RBMS3: variants seen among roughly 807,000 people sequenced by gnomAD.
The protein encoded by RBMS3 is RNA binding motif single stranded interacting protein 3, also known as RNA-binding motif, single-stranded-interacting protein 3.
A neutral mutation model predicts 66.8 loss-of-function variants in RBMS3; 27 were observed. The observed-to-expected ratio is 0.40, with a 90% CI of 0.30 to 0.56. The LOEUF (loss-of-function observed/expected upper bound fraction) is 0.56, where lower values mean the gene tolerates loss of function less well. Ranked by LOEUF, RBMS3 falls within the 20% of genes least tolerant of loss-of-function variation. The probability of loss-of-function intolerance (pLI) is 0.40; values close to 1 mark genes in which losing one functional copy is unlikely to be tolerated. For synonymous variants in RBMS3, 188 were observed against 183.0 expected, an observed-to-expected ratio of 1.03 and a Z score of -0.22; for missense variants, 513 against 549.5, an observed-to-expected ratio of 0.93 and a Z score of 0.66.
At chr3:29,341,018 G>A (rs776510283) in intron 1 of RBMS3, among the ~76,000 whole-genome samples, 39 of 151,706 alleles carry the variant, frequency 2.6e-4, no homozygotes, top group Admixed American at 6.6e-4. Flanking sequence ...TATCATAAGC[G>A]CCATACCACT....
At chr3:29,696,464 A>G (rs1265820616) in intron 4 of RBMS3, among the ~76,000 whole-genome samples, 1 of 152,176 alleles carries the variant, frequency 6.6e-6, no homozygotes, top group Non-Finnish European at 1.5e-5. Flanking sequence ...TTCCTCACCA[A>G]TTAATCATTT....
chr3:29,372,035 T>C (rs1434729910), intron 1 of RBMS3, among the ~76,000 whole-genome samples: 14 of 152,160 alleles, frequency 9.2e-5, no homozygotes. Flanking sequence ...ACAACAAGCA[T>C]AGCCAAAAGG....
intron 12 of RBMS3, among the ~76,000 whole-genome samples, chr3:29,972,959 T>C (rs996297256): frequency 1.3e-5 from 2 of 152,092 alleles, no homozygotes; most frequent in Non-Finnish European, 2.9e-5. Flanking sequence ...GAAGCAAGCC[T>C]AGTCGACAGA....
rs183403632 is a variant in RBMS3, at chr3:29,710,247, C to A, written c.400-29473C>A. On this transcript the variant is annotated intron_variant, in intron 4 of 14. Coordinates refer to ENST00000383767, the MANE Select transcript of RBMS3 (RefSeq NM_001003793.3). ...TATTAATGCATATTTTTATCTTTTT[C>A]TTTGATGGGTGATAGTCATTAAGAA... Among the ~76,000 whole-genome samples, 454 of 152,124 alleles carry A rather than the reference C, an allele frequency of 3.0e-3. 3 individuals carry two copies. The highest frequency in any genetic ancestry group is 9.9e-3 in the African/African-American group (409 of 41,520).
chr3:29,706,411 T>G (rs1181032179), intron 4 of RBMS3, among the ~76,000 whole-genome samples: 1 of 152,194 alleles, frequency 6.6e-6, no homozygotes, highest in East Asian at 1.9e-4. Context: ...AAGTGACACA[T>G]AATCAAGACT....
At chr3:29,542,288 C>G (rs1000568765) in intron 3 of RBMS3, among the ~76,000 whole-genome samples, 5 of 152,170 alleles carry the variant, frequency 3.3e-5, no homozygotes, top group Middle Eastern at 6.8e-3. Context: ...TAATACTTTG[C>G]CCATTTTTTG....
intron 6 of RBMS3, among the ~76,000 whole-genome samples, chr3:29,803,338 C>G (rs1351916574): frequency 6.6e-6 from 1 of 152,070 alleles, no homozygotes; most frequent in Non-Finnish European, 1.5e-5. Context: ...AGTGGTGACT[C>G]TGAAGATGCT....
intron 2 of RBMS3, among the ~76,000 whole-genome samples, chr3:29,440,638 T>G (rs372879433): frequency 6.6e-6 from 1 of 152,136 alleles, no homozygotes; most frequent in African/African-American, 2.4e-5. Context: ...ACACCCACAA[T>G]GAAAAGCCAG....
chr3:29,462,108 C>T (rs2042393384), intron 2 of RBMS3, among the ~76,000 whole-genome samples: 1 of 151,878 alleles, frequency 6.6e-6, no homozygotes, highest in Non-Finnish European at 1.5e-5. Flanking sequence ...GGTGATAATA[C>T]ATGATGAGAT....
intron 3 of RBMS3, among the ~76,000 whole-genome samples, chr3:29,490,069 C>G (rs1442363125): frequency 7.1e-6 from 1 of 141,142 alleles, no homozygotes; most frequent in Non-Finnish European, 1.5e-5. Flanking sequence ...AAAAAAAGTA[C>G]CAGTGAGGAC....
chr3:29,302,287 C>T (rs575093911), intron 1 of RBMS3, among the ~76,000 whole-genome samples: 1 of 152,046 alleles, frequency 6.6e-6, no homozygotes, highest in South Asian at 2.1e-4. Context: ...GCTGGGATTA[C>T]AGGCGTGAGC....
intron 1 of RBMS3, among the ~76,000 whole-genome samples, chr3:29,359,241 G>A (rs924816719): frequency 1.3e-5 from 2 of 152,176 alleles, no homozygotes; most frequent in Non-Finnish European, 2.9e-5. Flanking sequence ...AATTTATTGA[G>A]AGGTTTTAGC....
chr3:29,868,676 T>C lies in RBMS3; in HGVS notation c.638-182T>C, dbSNP rs937432831. 7.9e-5 allele frequency among the ~76,000 whole-genome samples: 12 copies of C among 152,316 alleles called. No homozygotes were observed. The East Asian group carries it at 1.5e-3, about 20-fold the overall frequency. On this transcript the variant is annotated intron_variant, in intron 6 of 14. Coordinates refer to ENST00000383767, the MANE Select transcript of RBMS3 (RefSeq NM_001003793.3). ...TCTTTTATGATCTGCCAGTACTTTT[T>C]TGAAGCCCAGTTAGTTAGAACAGCG...
In RBMS3 at chr3:29,664,492, A is replaced by G. The variant is rs150982005; in HGVS notation, c.400-75228A>G. 5.6e-3 allele frequency among the ~76,000 whole-genome samples: 858 copies of G among 152,130 alleles called. 2 individuals carry two copies. The highest frequency in any genetic ancestry group is 9.2e-3 in the Non-Finnish European group (625 of 67,990). ...ACAGAGCAAGACTCTGTCTCAAAAA[A>G]AAGTAATCTTAGTGACAAGTCATTT... On this transcript the variant is annotated intron_variant, in intron 4 of 14. Coordinates refer to ENST00000383767, the MANE Select transcript of RBMS3 (RefSeq NM_001003793.3).
At chr3:29,771,837 A>C (rs962485968) in intron 6 of RBMS3, among the ~76,000 whole-genome samples, 7 of 151,928 alleles carry the variant, frequency 4.6e-5, no homozygotes, top group South Asian at 2.1e-4. Context: ...GGTGCTACAC[A>C]CTTTTTGACA....
intron 4 of RBMS3, among the ~76,000 whole-genome samples, chr3:29,604,293 CT>C (rs2048247921): frequency 6.6e-6 from 1 of 151,900 alleles, no homozygotes; most frequent in African/African-American, 2.4e-5. Context: ...TATATGATTA[CT>C]TATTGGAAAC....
chr3:29,903,183 T>C (rs2060297152), intron 10 of RBMS3: 1 of 150,982 alleles, frequency 6.6e-6, no homozygotes, highest in South Asian at 2.1e-4. Flanking sequence ...TGGATTATAA[T>C]TCTGATGTTT....
rs146912044 is a variant in RBMS3, at chr3:29,438,028, T to TTTTCTCTCTCTC, written c.248+3114_248+3115insTTCTCTCTCTCT. Among the ~76,000 whole-genome samples, 13 of 142,556 alleles carry TTTTCTCTCTCTC rather than the reference T, an allele frequency of 9.1e-5. No homozygotes were observed. The East Asian group carries it at 1.9e-3, about 21-fold the overall frequency. 93.5% of individuals were successfully genotyped at this position (142,556 alleles called of 152,430 possible). ...AGGTCATTTGTAAAACCTTGCTTGT[T>TTTTCTCTCTCTC]TCTCTCTCTCTCTCTCTCTCTCTCT... is the stretch of plus-strand genomic sequence containing the variant. On this transcript the variant is annotated intron_variant, in intron 2 of 14. Coordinates refer to ENST00000383767, the MANE Select transcript of RBMS3 (RefSeq NM_001003793.3).
chr3:29,397,824 T>C lies in RBMS3; in HGVS notation c.76-36919T>C, dbSNP rs561754416. Among the ~76,000 whole-genome samples the C allele has an allele frequency of 9.9e-5, 15 of 152,110 alleles. No homozygotes were observed. The South Asian group carries it at 3.1e-3, about 32-fold the overall frequency. ...TCAGCCTCCCGAGCAGCTGGAACTA[T>C]AGATGCATGTCACTGTGCCTGGCTA... is the stretch of plus-strand genomic sequence containing the variant. On this transcript the variant is annotated intron_variant, in intron 1 of 14. Coordinates refer to ENST00000383767, the MANE Select transcript of RBMS3 (RefSeq NM_001003793.3).
Sources: gnomAD v4.1 joint callset for allele counts (sites outside exome capture counted in the v4.1 genomes callset) on GRCh38, gnomAD v4.1.1 for gene constraint, MANE v1.5 for transcripts, NCBI Gene and HGNC (gene_info 2026-07-23, HGNC 2026-07-21) for gene names.